DST: variants seen among roughly 807,000 people sequenced by gnomAD.
DST encodes the protein bullous pemphigoid antigen.
A neutral mutation model predicts 875.2 loss-of-function variants in DST; 253 were observed. The observed-to-expected ratio is 0.29, with a 90% CI of 0.26 to 0.32. The LOEUF (loss-of-function observed/expected upper bound fraction) is 0.32. Among genes scored for constraint, DST ranks in the 10% least tolerant of loss-of-function variants. The pLI, the probability that DST is intolerant of heterozygous loss-of-function variation, is 1.00. For synonymous variants in DST, 3,124 were observed against 3,197.1 expected (o/e 0.98, Z 0.77); for missense variants, 8,287 against 9,111.6 (o/e 0.91, Z 3.68).
chr6:56,784,372 C>T (rs1172898075), intron 4 of DST, among the ~76,000 whole-genome samples: 1 of 152,210 alleles, frequency 6.6e-6, no homozygotes, highest in Non-Finnish European at 1.5e-5. Flanking sequence ...TGATCAGACG[C>T]AGATTTGGTC....
At chr6:56,943,867 A>G (rs1162629373) in intron 2 of DST, among the ~76,000 whole-genome samples, 1 of 152,130 alleles carries the variant, frequency 6.6e-6, no homozygotes, top group Non-Finnish European at 1.5e-5. Context: ...ATGTAATCCC[A>G]GCACTTTGGG....
chr6:56,844,657 G>A (rs546722568), intron 4 of DST, among the ~76,000 whole-genome samples: 37 of 152,160 alleles, frequency 2.4e-4, no homozygotes, highest in African/African-American at 7.7e-4. Flanking sequence ...GGTGGATCAC[G>A]AGGTCAGGAG....
rs750283690 is a variant in DST at position 56,493,021 on chromosome 6, C to A, written c.20463G>T (p.Trp6821Cys). ...FHNSLQDFINWLTQAEQTLNV... is the reference protein window; with the variant it reads ...FHNSLQDFINCLTQAEQTLNV... ...TTAGGGTCTGTTCAGCCTGAGTAAG[C>A]CAGTTGATGAAGTCTTGGAGAGAAT... Residue 6821 changes from tryptophan to cysteine, a missense_variant, in exon 84 of 104, where the codon TGG becomes TGT. Coordinates refer to ENST00000680361, the MANE Select transcript of DST (RefSeq NM_001374736.1). The A allele has an allele frequency of 6.2e-7, 1 of 1,612,768 alleles. No individual in the cohort carries two copies. The highest frequency in any genetic ancestry group is 8.5e-7 in the Non-Finnish European group (1 of 1,179,332).
Position 56,658,267 on chromosome 6 carries a change from AAC to A in DST, c.1215-7025_1215-7024del, listed in dbSNP as rs1257674751. ...GAGAGAAAAGCCTAAATTGAGGTGGAACACACACACAAAGCACAGAGCTGTGA... is the reference window on the plus strand; with the variant it reads ...GAGAGAAAAGCCTAAATTGAGGTGGAACACACACAAAGCACAGAGCTGTGA... On this transcript the variant is annotated intron_variant, in intron 10 of 103. Transcript: ENST00000680361. Among the ~76,000 whole-genome samples the A allele has an allele frequency of 3.3e-5, 5 of 152,206 alleles. No homozygotes were observed. The South Asian group carries it at 6.2e-4, about 19-fold the overall frequency.
intron 3 of DST, among the ~76,000 whole-genome samples, chr6:56,866,519 C>A (rs1171468494): frequency 6.6e-6 from 1 of 152,170 alleles, no homozygotes; most frequent in Admixed American, 6.5e-5. Context: ...CCAAAGCCTG[C>A]ACCATGACTT....
chr6:56,489,129 T>C (rs2095658111), intron 86 of DST, among the ~76,000 whole-genome samples: 1 of 152,218 alleles, frequency 6.6e-6, no homozygotes, highest in African/African-American at 2.4e-5. Flanking sequence ...ACCTTCAAGG[T>C]GCTATTTTGT....
Position 56,466,169 on chromosome 6 carries a change from C to A in DST, c.22596G>T (p.Leu7532=). 2 of 1,610,518 alleles carry A rather than the reference C, an allele frequency of 1.2e-6. No homozygotes were observed. Among genetic ancestry groups the A allele is most frequent in the Non-Finnish European group, 1.7e-6 (2 of 1,178,220 alleles). ...TCACAGTACTCCGCAGGATCCGGAC[C>A]AGTCGCAGTTGCTGGGAGTCTCCAA... ...NQFGDSQQLR[L]VRILRSTVMV... The change falls in exon 99 of 104, where the codon CTG becomes CTT. Residue 7532 remains leucine (L), a synonymous_variant. Transcript: ENST00000680361.
At chr6:56,568,744 TC>T in intron 54 of DST, 149 bp from the exon 55 acceptor site, 1 of 683,948 alleles carries the variant, frequency 1.5e-6, no homozygotes, top group Non-Finnish European at 2.3e-6. Flanking sequence ...ACCTATTTGT[TC>T]CCACAGCCCA....
intron 4 of DST, among the ~76,000 whole-genome samples, chr6:56,810,238 A>C (rs1461683182): frequency 1.3e-5 from 2 of 152,172 alleles, no homozygotes; most frequent in African/African-American, 4.8e-5. Flanking sequence ...TGAGCCCAGG[A>C]GTTCAAAGCT....
intron 37 of DST, 71 bp from the exon 38 acceptor site, chr6:56,611,667 G>A (rs1022264517): frequency 8.1e-6 from 9 of 1,106,680 alleles, no homozygotes; most frequent in Non-Finnish European, 1.2e-5. Flanking sequence ...TTAAAAAAAA[G>A]AAATTAATCA....
chr6:56,670,601 T>C, intron 10 of DST, 40 bp downstream of exon 10: 1 of 1,310,336 alleles, frequency 7.6e-7, no homozygotes, highest in Non-Finnish European at 1.0e-6. Context: ...AAGAAATGTG[T>C]CTTACAGTTG....
At chr6:56,489,343 A>T in intron 86 of DST, 147 bp downstream of exon 86, 1 of 635,604 alleles carries the variant, frequency 1.6e-6, no homozygotes, top group Non-Finnish European at 2.3e-6. Flanking sequence ...AGCAACATGA[A>T]GAGCAATAGC....
rs868654160 is a variant in DST, at chr6:56,497,847, C to G, written c.20094+9G>C. ...TATAAAAACTTTCAGAATTTATTCT[C>G]TTACTCACCTGGCGCAAGGCACCAT... On this transcript the variant is annotated intron_variant, in intron 81 of 103. Coordinates refer to ENST00000680361, the MANE Select transcript of DST (RefSeq NM_001374736.1). 1.3e-6 allele frequency: 2 copies of G among 1,594,786 alleles called. No homozygotes were observed. The highest frequency in any genetic ancestry group is 1.7e-4 in the Middle Eastern group (1 of 5,956).
In DST at chr6:56,954,460, T is replaced by C. The variant is rs371992372; in HGVS notation, c.128A>G (p.Gln43Arg). 2.1e-4 allele frequency: 285 copies of C among 1,367,430 alleles called. 1 individual carries two copies. Among genetic ancestry groups the C allele is most frequent in the Non-Finnish European group, 2.7e-4 (271 of 1,021,838 alleles). The allele number at this position is 1,367,430 out of a possible 1,614,324, so 84.7% of individuals were successfully genotyped here. A position where few individuals can be genotyped will look rare whatever the true frequency, so the allele number is the denominator to read the frequency against. Reference sequence around the variant, plus strand: ...CGATTTCATCGGATGCCTCCCTTTCTGGAGCTTGCGGTGCCAGCAGCAGAA... The same window carrying C: ...CGATTTCATCGGATGCCTCCCTTTCCGGAGCTTGCGGTGCCAGCAGCAGAA... ...VFFCCWHRKL[Q>R]KGRHPMKSVF... Residue 43 changes from glutamine to arginine, a missense_variant, in exon 1 of 104, where the codon CAG (glutamine) becomes CGG (arginine). Around this residue, in one of 10 missense-constraint regions of DST, gnomAD observed 1,160 missense variants for 1,424.3 expected, o/e 0.81. Coordinates refer to ENST00000680361, the MANE Select transcript of DST (RefSeq NM_001374736.1).
rs1368833287 is a variant in DST at position 56,853,014 on chromosome 6, C to T, written c.418-1410G>A. Among the ~76,000 whole-genome samples the T allele has an allele frequency of 2.0e-5, 3 of 152,168 alleles. 1 individual carries two copies. The highest frequency in any genetic ancestry group is 4.4e-5 in the Non-Finnish European group (3 of 68,020). ...GGCCTGTGGCTATGCATGGTCAACACCATTATTTTATTTTATTTATTTTTC... is the reference window on the plus strand; with the variant it reads ...GGCCTGTGGCTATGCATGGTCAACATCATTATTTTATTTTATTTATTTTTC... On this transcript the variant is annotated intron_variant, in intron 3 of 103. Coordinates refer to ENST00000680361, the MANE Select transcript of DST (RefSeq NM_001374736.1).
At chr6:56,504,786 C>T (rs1466557966) in intron 77 of DST, among the ~76,000 whole-genome samples, 1 of 152,098 alleles carries the variant, frequency 6.6e-6, no homozygotes, top group Admixed American at 6.6e-5. Context: ...ACCTCAAACT[C>T]CTGGGCTCAA....
At chr6:56,577,050 G>A (rs947188869) in intron 50 of DST, among the ~76,000 whole-genome samples, 4 of 152,136 alleles carry the variant, frequency 2.6e-5, no homozygotes, top group African/African-American at 9.7e-5. Context: ...AAAATCTACT[G>A]TAAGAATGTT....
intron 4 of DST, among the ~76,000 whole-genome samples, chr6:56,793,273 T>C (rs2099734511): frequency 6.6e-6 from 1 of 152,020 alleles, no homozygotes. Flanking sequence ...ATTATGATTA[T>C]GTAAAGAGGA....
At chr6:56,805,916 C>A (rs1233637167) in intron 4 of DST, among the ~76,000 whole-genome samples, 3 of 152,134 alleles carry the variant, frequency 2.0e-5, no homozygotes, top group Admixed American at 2.0e-4. Flanking sequence ...CATGACTGTA[C>A]AAAAATGTAG....
Sources: allele counts gnomAD v4.1 joint callset (sites outside exome capture counted in the v4.1 genomes callset), GRCh38; gene constraint gnomAD v4.1.1; regional missense constraint gnomAD v4.1.1; transcripts MANE v1.5; gene names NCBI Gene and HGNC (gene_info 2026-07-23, HGNC 2026-07-21).